RNF135: variants seen among roughly 807,000 people sequenced by gnomAD.
RNF135 encodes ring finger protein 135.
In RNF135, 46 loss-of-function variants were observed where a neutral mutation model predicts 41.9. The ratio of observed to expected loss-of-function variants is 1.10; its 90% CI spans 0.87 to 1.40. The LOEUF (loss-of-function observed/expected upper bound fraction) is 1.40, where lower values mean the gene tolerates loss of function less well. RNF135 is among the 40% of genes most tolerant of loss of function. RNF135 has a pLI of 0.00. For missense variants in RNF135, 539 were observed against 549.8 expected, an observed-to-expected ratio of 0.98 and a Z score of 0.20; for synonymous variants, 238 against 223.8, an observed-to-expected ratio of 1.06 and a Z score of -0.57.
chr17:30,967,273 G>A (rs772491191), upstream of RNF135, among the ~76,000 whole-genome samples: 6 of 151,668 alleles, frequency 4.0e-5, no homozygotes, highest in East Asian at 2.0e-4. Flanking sequence ...CAAGTGTTCC[G>A]CTCACCTTGG....
At position 30,997,275 on chromosome 17, in the gene RNF135, G is replaced by C. The variant is rs1908414687; in HGVS notation, c.713G>C (p.Cys238Ser). The change falls in exon 4 of 5, where the codon TGC becomes TCC. Residue 238 changes from cysteine (C) to serine (S), a missense_variant. By Grantham distance (112) the Cys-to-Ser change is moderately radical (BLOSUM62 -1). This residue lies in a region of RNF135 where 262 missense variants were observed against 336.9 expected (regional missense o/e 0.78). Coordinates refer to ENST00000328381, the MANE Select transcript of RNF135 (RefSeq NM_032322.4). Reference sequence around the variant, plus strand: ...CTGGAAGCCCCGTCTTCCTCCTCATGCCCATTGCCTGACCAGAGCCACCCT... The same window carrying C: ...CTGGAAGCCCCGTCTTCCTCCTCATCCCCATTGCCTGACCAGAGCCACCCT... ...ELLEAPSSSS[C>S]PLPDQSHPAL... The C allele has an allele frequency of 1.2e-6, 2 of 1,614,064 alleles. No individual in the cohort carries two copies. Among genetic ancestry groups the C allele is most frequent in the Non-Finnish European group, 1.7e-6 (2 of 1,179,974 alleles).
intron 1 of RNF135, among the ~76,000 whole-genome samples, chr17:30,978,359 A>AGG (rs1906646683): frequency 1.3e-5 from 2 of 152,106 alleles, no homozygotes; most frequent in South Asian, 2.1e-4. Context: ...CTTAAGGCCA[A>AGG]TAATTCTTAG....
intron 4 of RNF135, chr17:30,997,630 T>G: frequency 2.1e-6 from 1 of 473,642 alleles, no homozygotes; most frequent in Non-Finnish European, 4.3e-6. Flanking sequence ...GGCCACCAAC[T>G]ATAGCCAACT....
At chr17:30,984,164 A>G (rs184494031) in intron 1 of RNF135, among the ~76,000 whole-genome samples, 159 of 152,178 alleles carry the variant, frequency 1.0e-3, no homozygotes, top group African/African-American at 2.1e-3. Context: ...ATGTAGTCCA[A>G]TTTGTCTCCT....
intron 1 of RNF135, among the ~76,000 whole-genome samples, chr17:30,981,287 T>C (rs1907134303): frequency 6.7e-6 from 1 of 149,394 alleles, no homozygotes; most frequent in Non-Finnish European, 1.5e-5. Context: ...GCAGGGAGGT[T>C]GCAGTGAGCC....
chr17:30,985,243 C>A (rs1488092727), intron 2 of RNF135, among the ~76,000 whole-genome samples: 1 of 152,164 alleles, frequency 6.6e-6, no homozygotes, highest in Non-Finnish European at 1.5e-5. Context: ...CCTTTGTTTC[C>A]CCTGCAGGTA....
intron 3 of RNF135, among the ~76,000 whole-genome samples, chr17:30,991,447 G>A (rs1030731245): frequency 7.0e-6 from 1 of 143,466 alleles, no homozygotes; most frequent in African/African-American, 2.6e-5. Context: ...ACTGAGTCTC[G>A]CTCTTGTTGT....
chr17:30,995,064 A>G (rs1908247739), intron 3 of RNF135, among the ~76,000 whole-genome samples: 1 of 152,024 alleles, frequency 6.6e-6, no homozygotes, highest in Non-Finnish European at 1.5e-5. Context: ...AGCCAGGACT[A>G]TAGGCCCACA....
At chr17:30,967,483 T>C (rs2142638364), upstream of RNF135, among the ~76,000 whole-genome samples, 3 of 152,300 alleles carry the variant, frequency 2.0e-5, 1 homozygote, top group Middle Eastern at 0.01. Context: ...AGTAATTATA[T>C]TGATAATTAA....
chr17:30,990,511 C>T (rs1254922968), intron 3 of RNF135, among the ~76,000 whole-genome samples: 2 of 152,014 alleles, frequency 1.3e-5, no homozygotes, highest in African/African-American at 4.8e-5. Flanking sequence ...AACACCATCT[C>T]AAAACAAACA....
intron 1 of RNF135, among the ~76,000 whole-genome samples, chr17:30,976,736 TTGTC>T (rs1447362321): frequency 5.9e-5 from 9 of 152,238 alleles, no homozygotes; most frequent in African/African-American, 2.4e-5. Flanking sequence ...TGAAATCTAT[TTGTC>T]TGATATATGT....
upstream of RNF135, among the ~76,000 whole-genome samples, chr17:30,966,335 CT>C (rs1167791862): frequency 7.0e-6 from 1 of 142,620 alleles, no homozygotes; most frequent in Non-Finnish European, 1.5e-5. Flanking sequence ...TTTATTTGAT[CT>C]TTTTTAATTT....
chr17:30,981,954 T>C (rs1907181844), intron 1 of RNF135, among the ~76,000 whole-genome samples: 2 of 152,246 alleles, frequency 1.3e-5, no homozygotes, highest in Admixed American at 6.5e-5. Flanking sequence ...CAGAAGCACC[T>C]TGTGGCCATG....
chr17:30,981,413 A>T (rs1318907916), intron 1 of RNF135, among the ~76,000 whole-genome samples: 2 of 152,114 alleles, frequency 1.3e-5, no homozygotes, highest in African/African-American at 4.8e-5. Context: ...TAATTATTTC[A>T]ATCATTTTGT....
intron 1 of RNF135, among the ~76,000 whole-genome samples, chr17:30,977,022 CTTTTCTGT>C (rs1906520994): frequency 6.6e-6 from 1 of 152,046 alleles, no homozygotes; most frequent in African/African-American, 2.4e-5. Context: ...TTCTTTCCTT[CTTTTCTGT>C]CTTCCTTTAA....
At chr17:30,995,830 C>T (rs149271315) in intron 3 of RNF135, among the ~76,000 whole-genome samples, 7 of 151,230 alleles carry the variant, frequency 4.6e-5, no homozygotes, top group African/African-American at 1.2e-4. Flanking sequence ...CTTGGCTCAC[C>T]GCAACCTCTG....
At chr17:30,996,189 A>G (rs924413103) in intron 3 of RNF135, among the ~76,000 whole-genome samples, 1 of 148,254 alleles carries the variant, frequency 6.7e-6, no homozygotes, top group Non-Finnish European at 1.5e-5. Flanking sequence ...TCCCAGGTTC[A>G]AGTGATTCTC....
intron 1 of RNF135, among the ~76,000 whole-genome samples, chr17:30,982,301 G>C (rs1446212707): frequency 5.3e-5 from 8 of 152,212 alleles, no homozygotes; most frequent in Non-Finnish European, 8.8e-5. Context: ...CAATAACTGG[G>C]GTGGGTGATT....
At chr17:30,974,929 C>T (rs1021827555) in intron 1 of RNF135, among the ~76,000 whole-genome samples, 7 of 152,076 alleles carry the variant, frequency 4.6e-5, no homozygotes, top group East Asian at 1.9e-4. Context: ...CTGCCTGCCT[C>T]GGCCTCCCAA....
Sources: gnomAD v4.1 joint callset for allele counts (sites outside exome capture counted in the v4.1 genomes callset) on GRCh38, gnomAD v4.1.1 for gene constraint, gnomAD v4.1.1 regional missense constraint, MANE v1.5 for transcripts, NCBI Gene and HGNC (gene_info 2026-07-23, HGNC 2026-07-21) for gene names.